TENM3: variants seen among roughly 807,000 people sequenced by gnomAD.
The protein encoded by TENM3 is teneurin-3.
In TENM3, 63 loss-of-function variants were observed where a neutral mutation model predicts 255.1. The observed-to-expected ratio is 0.25, with a 90% CI of 0.20 to 0.30. The LOEUF (loss-of-function observed/expected upper bound fraction) is 0.30, where lower values mean the gene tolerates loss of function less well. Among genes scored for constraint, TENM3 ranks in the 10% least tolerant of loss-of-function variants. The pLI is 1.00. For missense variants in TENM3, 2,929 were observed against 3,461.1 expected (o/e 0.85, Z 3.86); for synonymous variants, 1,306 against 1,322.3 (o/e 0.99, Z 0.27).
the TENM3 span, among the ~76,000 whole-genome samples, chr4:181,760,689 C>G: frequency 6.6e-6 from 1 of 151,936 alleles, no homozygotes; most frequent in Non-Finnish European, 1.5e-5. Flanking sequence ...TAAATTTGAC[C>G]AACTAGCTGT....
chr4:181,483,048 TA>T, the TENM3 span, among the ~76,000 whole-genome samples: 2 of 152,150 alleles, frequency 1.3e-5, no homozygotes, highest in Non-Finnish European at 1.5e-5. Flanking sequence ...AAAACGTTAT[TA>T]AAATGTAAAA....
the TENM3 span, among the ~76,000 whole-genome samples, chr4:181,864,703 C>A: frequency 6.6e-6 from 1 of 152,010 alleles, no homozygotes; most frequent in African/African-American, 2.4e-5. Flanking sequence ...TGGGTTAAAC[C>A]GCCCGTATAG....
At chr4:181,573,404 C>T in the TENM3 span, among the ~76,000 whole-genome samples, 4 of 151,974 alleles carry the variant, frequency 2.6e-5, no homozygotes, top group East Asian at 7.7e-4. Flanking sequence ...CCAGCACTGC[C>T]TGTCTTTCTT....
At chr4:182,475,647 T>C (rs1340270036) in intron 3 of TENM3, among the ~76,000 whole-genome samples, 1 of 152,236 alleles carries the variant, frequency 6.6e-6, no homozygotes, top group African/African-American at 2.4e-5. Flanking sequence ...TGCATACATA[T>C]ACATACTTCT....
intron 1 of TENM3, among the ~76,000 whole-genome samples, chr4:182,296,342 G>T (rs549049530): frequency 6.6e-6 from 1 of 152,236 alleles, no homozygotes; most frequent in African/African-American, 2.4e-5. Flanking sequence ...TAGGATCTCT[G>T]ATCAAAGTTG....
chr4:182,698,575 G>A (rs770531055), intron 12 of TENM3, among the ~76,000 whole-genome samples: 1 of 152,196 alleles, frequency 6.6e-6, no homozygotes, highest in African/African-American at 2.4e-5. Context: ...GTGGATACAC[G>A]TTCTCCAGTC....
the TENM3 span, among the ~76,000 whole-genome samples, chr4:181,941,045 G>A: frequency 1.3e-5 from 2 of 152,214 alleles, no homozygotes; most frequent in Non-Finnish European, 2.9e-5. Flanking sequence ...GAAAGATGGT[G>A]TAACCATTCC....
chr4:182,386,933 C>G (rs974054247), intron 3 of TENM3, among the ~76,000 whole-genome samples: 5 of 152,230 alleles, frequency 3.3e-5, no homozygotes, highest in Admixed American at 2.0e-4. Flanking sequence ...CTGAGGAGTG[C>G]GAGCACATGG....
At chr4:182,163,266 A>C (rs56875280) in intron 1 of TENM3, among the ~76,000 whole-genome samples, 55,832 of 151,836 alleles carry the variant, frequency 0.37, 10,736 homozygotes, top group Admixed American at 0.48. Flanking sequence ...CCATTTTTCT[A>C]GATTGCCCCT....
the TENM3 span, among the ~76,000 whole-genome samples, chr4:181,801,342 A>G: frequency 6.6e-6 from 1 of 152,098 alleles, no homozygotes; most frequent in Non-Finnish European, 1.5e-5. Context: ...GATGTGTGCA[A>G]TAGGAAAAGT....
At chr4:181,880,209 A>G in the TENM3 span, among the ~76,000 whole-genome samples, 123 of 152,310 alleles carry the variant, frequency 8.1e-4, 1 homozygote, top group African/African-American at 2.6e-3. Flanking sequence ...AGCAAGTTTG[A>G]TATCCACTGA....
the TENM3 span, among the ~76,000 whole-genome samples, chr4:181,573,237 T>C: frequency 6.6e-6 from 1 of 152,190 alleles, no homozygotes; most frequent in Non-Finnish European, 1.5e-5. Flanking sequence ...ACTGATTTCC[T>C]TTCCTCTGAG....
chr4:182,012,704 T>C, the TENM3 span: 1 of 152,196 alleles, frequency 6.6e-6, no homozygotes, highest in Non-Finnish European at 1.5e-5. Context: ...AATGTCAGAA[T>C]AACCACAACC....
chr4:181,775,882 G>T, the TENM3 span, among the ~76,000 whole-genome samples: 2 of 152,058 alleles, frequency 1.3e-5, no homozygotes, highest in African/African-American at 4.8e-5. Context: ...GAGTACTTAG[G>T]ATATCAATCA....
At chr4:182,289,794 G>T (rs913437830) in intron 1 of TENM3, among the ~76,000 whole-genome samples, 1 of 152,100 alleles carries the variant, frequency 6.6e-6, no homozygotes, top group Non-Finnish European at 1.5e-5. Context: ...TTAATGGGAT[G>T]ATTTCATTTT....
At chr4:181,940,063 A>T in the TENM3 span, among the ~76,000 whole-genome samples, 1 of 152,126 alleles carries the variant, frequency 6.6e-6, no homozygotes, top group South Asian at 2.1e-4. Flanking sequence ...TTCCTTCGGG[A>T]TTTTTGCTGC....
chr4:182,776,930 A>G (rs1426198355), intron 24 of TENM3, among the ~76,000 whole-genome samples: 2 of 152,160 alleles, frequency 1.3e-5, no homozygotes, highest in Admixed American at 1.3e-4. Flanking sequence ...GCTCTCGGAG[A>G]GACAATGCCA....
the TENM3 span, among the ~76,000 whole-genome samples, chr4:181,902,116 T>TAC: frequency 1.6e-4 from 23 of 147,784 alleles, no homozygotes; most frequent in Non-Finnish European, 2.5e-4. Context: ...CATGTGAGCA[T>TAC]ACACACACAC....
At chr4:181,844,637 C>T in the TENM3 span, among the ~76,000 whole-genome samples, 2 of 151,124 alleles carry the variant, frequency 1.3e-5, no homozygotes, top group African/African-American at 2.4e-5. Flanking sequence ...CACTGCACTC[C>T]AGCCTGGGCG....
Sources: gnomAD v4.1 joint callset for allele counts (sites outside exome capture counted in the v4.1 genomes callset) on GRCh38, gnomAD v4.1.1 for gene constraint, MANE v1.5 for transcripts, NCBI Gene and HGNC (gene_info 2026-07-23, HGNC 2026-07-21) for gene names.